PLP2: variants seen among roughly 807,000 people sequenced by gnomAD.
The protein encoded by PLP2 is A4 differentiation-dependent protein.
In PLP2, 8 loss-of-function variants were observed where a neutral mutation model predicts 11.4. The ratio of observed to expected loss-of-function variants is 0.70; its 90% CI spans 0.41 to 1.27. The LOEUF is 1.27. PLP2 is among the 50% of genes most tolerant of loss of function. The probability of loss-of-function intolerance (pLI) is 0.01; values close to 1 mark genes in which losing one functional copy is unlikely to be tolerated. For missense variants in PLP2, 127 were observed against 123.5 expected, an observed-to-expected ratio of 1.03 and a Z score of -0.14; for synonymous variants, 50 against 53.2, an observed-to-expected ratio of 0.94 and a Z score of 0.26.
chrX:49,172,475 G>T (rs781980502), intron 1 of PLP2, among the ~76,000 whole-genome samples: 2 of 111,697 alleles, frequency 1.8e-5, no homozygotes, highest in Admixed American at 9.4e-5. Context: ...GCGCCCAGGG[G>T]CAGGGCCTGT....
chrX:49,174,520 C>T (rs2065404662), intron 4 of PLP2, 95 bp downstream of exon 4: 2 of 889,237 alleles, frequency 2.2e-6, no homozygotes, highest in Non-Finnish European at 3.3e-6. Flanking sequence ...AATGCCAACT[C>T]TGGTCTCGTA....
Position 49,172,006 on chromosome X carries a change from G to A in PLP2, c.6G>A (p.Ala2=). M[A]DSERLSAPGC... is the part of the protein sequence containing the mutation. ...CAGGGACTCCAGCCCATGCCATGGC[G>A]GATTCTGAGCGCCTCTCGGCTCCTG... The change falls in exon 1 of 5, where the codon GCG becomes GCA. Residue 2 remains alanine (A), a synonymous_variant. Coordinates refer to ENST00000376327, the MANE Select transcript of PLP2 (RefSeq NM_002668.3). 8.3e-7 allele frequency: 1 copy of A among 1,198,379 alleles called. No homozygotes were observed. Among genetic ancestry groups the A allele is most frequent in the Non-Finnish European group, 1.1e-6 (1 of 883,880 alleles).
intron 3 of PLP2, among the ~76,000 whole-genome samples, chrX:49,173,836 G>A (rs1381897177): frequency 1.8e-5 from 2 of 112,188 alleles, no homozygotes; most frequent in Admixed American, 1.9e-4. Context: ...GGCTGAGGCC[G>A]AGGCAGGCAG....
chrX:49,173,310 A>G, intron 2 of PLP2, 29 bp downstream of exon 2: 1 of 1,208,206 alleles, frequency 8.3e-7, no homozygotes, highest in African/African-American at 1.7e-5. Context: ...TGGCAAGACC[A>G]GGGAGGGGTC....
At position 49,172,077 on chromosome X, in the gene PLP2, T is replaced by C; in HGVS notation, c.77T>C (p.Ile26Thr). 2.5e-6 allele frequency: 3 copies of C among 1,201,371 alleles called. No individual in the cohort carries two copies. Among genetic ancestry groups the C allele is most frequent in the Non-Finnish European group, 3.4e-6 (3 of 886,491 alleles). ...AACTTCTCGCGCACTCGAAAGGGAATCCTCCTGTTTGCTGAGATTGTGAGC... is the reference window on the plus strand; with the variant it reads ...AACTTCTCGCGCACTCGAAAGGGAACCCTCCTGTTTGCTGAGATTGTGAGC... ...CTNFSRTRKG[I>T]LLFAEIILCL... The change falls in exon 1 of 5, where the codon ATC becomes ACC. Residue 26 changes from isoleucine to threonine, a missense_variant. Ile to Thr is a moderately conservative substitution (Grantham distance 89). Coordinates refer to ENST00000376327, the MANE Select transcript of PLP2 (RefSeq NM_002668.3).
At position 49,174,975 on chromosome X, in the gene PLP2, G is replaced by T; in HGVS notation, c.*281G>T. 2.3e-6 allele frequency: 1 copy of T among 432,775 alleles called. No homozygotes were observed. Among genetic ancestry groups the T allele is most frequent in the South Asian group, 3.5e-5 (1 of 28,915 alleles). 35.7% of individuals were successfully genotyped at this position (432,775 alleles called of 1,213,427 possible). A position where few individuals can be genotyped will look rare whatever the true frequency, so the allele number is the denominator to read the frequency against. On this transcript the variant is annotated 3_prime_UTR_variant, in exon 5 of 5. Coordinates refer to ENST00000376327, the MANE Select transcript of PLP2 (RefSeq NM_002668.3). The stretch of plus-strand genomic sequence containing the variant: ...CCTAAGTCACAAAATGAGGGAAGTG[G>T]GGAGTTAGATTTCAGAGTCCAGGCC...
At chrX:49,174,079 C>CA (rs1264290820) in intron 3 of PLP2, among the ~76,000 whole-genome samples, 1,490 of 99,344 alleles carry the variant, frequency 0.015, 34 homozygotes, top group African/African-American at 0.047. Context: ...TACTGTGTCT[C>CA]AAAAAAAAAA....
chrX:49,173,037 C>T (rs944997686), intron 1 of PLP2, 92 bp from the exon 2 acceptor site: 18 of 773,421 alleles, frequency 2.3e-5, no homozygotes, highest in East Asian at 3.2e-5. Context: ...CCCCAGCCCT[C>T]GTAGGCATCT....
chrX:49,171,938 C>A lies in PLP2; in HGVS notation c.-63C>A. ...GCGGGCAAGACAGCTGGGTGTACAGCGTCCTCGAAACCACGAGCAAGTGAG... is the reference window on the plus strand; with the variant it reads ...GCGGGCAAGACAGCTGGGTGTACAGAGTCCTCGAAACCACGAGCAAGTGAG... On this transcript the variant is annotated 5_prime_UTR_variant, in exon 1 of 5. Coordinates refer to ENST00000376327, the MANE Select transcript of PLP2 (RefSeq NM_002668.3). 1 of 793,608 alleles carries A rather than the reference C, an allele frequency of 1.3e-6. No individual in the cohort carries two copies. Among genetic ancestry groups the A allele is most frequent in the Non-Finnish European group, 1.9e-6 (1 of 528,704 alleles). 65.4% of individuals were successfully genotyped at this position (793,608 alleles called of 1,213,427 possible).
At chrX:49,173,599 C>T in intron 3 of PLP2, 116 bp downstream of exon 3, 1 of 1,175,748 alleles carries the variant, frequency 8.5e-7, no homozygotes. Context: ...CACACTTGTC[C>T]TCAGACATGG....
chrX:49,173,034 C>T, intron 1 of PLP2, 95 bp from the exon 2 acceptor site: 1 of 743,819 alleles, frequency 1.3e-6, no homozygotes, highest in Non-Finnish European at 2.1e-6. Context: ...TTTCCCCAGC[C>T]CTCGTAGGCA....
At position 49,172,035 on chromosome X, in the gene PLP2, G is replaced by A; in HGVS notation, c.35G>A (p.Cys12Tyr). Residue 12 changes from cysteine (C) to tyrosine (Y), a missense_variant, in exon 1 of 5, where the codon TGC becomes TAC. Physicochemically the swap from Cys to Tyr is radical, Grantham distance 194. Transcript: ENST00000376327. Reference protein sequence around the residue: ...ADSERLSAPGCWAACTNFSRT... With the variant: ...ADSERLSAPGYWAACTNFSRT... Reference sequence around the variant, plus strand: ...TCTGAGCGCCTCTCGGCTCCTGGCTGCTGGGCCGCCTGCACCAACTTCTCG... The same window carrying A: ...TCTGAGCGCCTCTCGGCTCCTGGCTACTGGGCCGCCTGCACCAACTTCTCG... 8.3e-7 allele frequency: 1 copy of A among 1,208,700 alleles called. No homozygotes were observed. The highest frequency in any genetic ancestry group is 1.7e-5 in the African/African-American group (1 of 57,917).
chrX:49,172,808 C>T (rs368181308), intron 1 of PLP2, among the ~76,000 whole-genome samples: 2 of 112,037 alleles, frequency 1.8e-5, no homozygotes, highest in South Asian at 3.7e-4. Flanking sequence ...TCAGGCTGCC[C>T]GTAACCTAGA....
At position 49,173,411 on chromosome X, in the gene PLP2, G is replaced by A. The variant is rs145837656; in HGVS notation, c.273G>A (p.Ala91=). The A allele has an allele frequency of 4.3e-4, 522 of 1,209,503 alleles. 1 individual carries two copies. Among genetic ancestry groups the A allele is most frequent in the Non-Finnish European group, 5.4e-4 (485 of 895,065 alleles). ...PWSDFFRTLI[A]AILYLITSIV... ...AGGATTTCTTCCGAACCCTCATAGC[G>A]GCAATCCTCTACCTGATCACCTCCA... Residue 91 remains alanine, a synonymous_variant, in exon 3 of 5, where the codon GCG becomes GCA. Coordinates refer to ENST00000376327, the MANE Select transcript of PLP2 (RefSeq NM_002668.3).
intron 4 of PLP2, 70 bp from the exon 5 acceptor site, chrX:49,174,602 C>A: frequency 8.7e-6 from 9 of 1,038,045 alleles, no homozygotes; most frequent in Non-Finnish European, 1.2e-5. Context: ...TGTTCATGGA[C>A]TTTGGATCTT....
At chrX:49,172,906 T>C (rs187223695) in intron 1 of PLP2, among the ~76,000 whole-genome samples, 1 of 112,682 alleles carries the variant, frequency 8.9e-6, no homozygotes, top group East Asian at 2.8e-4. Flanking sequence ...TGTGCCTCAG[T>C]TTTCTCGTCT....
Position 49,171,997 on chromosome X carries a change from T to C in PLP2, c.-4T>C. The C allele has an allele frequency of 1.7e-6, 2 of 1,186,601 alleles. No individual in the cohort carries two copies. Among genetic ancestry groups the C allele is most frequent in the South Asian group, 3.6e-5 (2 of 55,821 alleles). ...CCGAGGCACCAGGGACTCCAGCCCA[T>C]GCCATGGCGGATTCTGAGCGCCTCT... On this transcript the variant is annotated 5_prime_UTR_variant, in exon 1 of 5. The change abolishes an upstream ATG in the 5' untranslated region. Coordinates refer to ENST00000376327, the MANE Select transcript of PLP2 (RefSeq NM_002668.3).
intron 1 of PLP2, among the ~76,000 whole-genome samples, chrX:49,172,558 C>A (rs1163339246): frequency 8.9e-6 from 1 of 112,612 alleles, no homozygotes; most frequent in African/African-American, 3.2e-5. Flanking sequence ...TTCTTCCTCG[C>A]CCTTCAGAGG....
chrX:49,174,257 T>C, intron 3 of PLP2, 78 bp from the exon 4 acceptor site: 1 of 736,572 alleles, frequency 1.4e-6, no homozygotes. Context: ...GTGCTGGAGG[T>C]GGTGGATACA....
Sources: gnomAD v4.1 joint callset for allele counts (sites outside exome capture counted in the v4.1 genomes callset) on GRCh38, gnomAD v4.1.1 for gene constraint, MANE v1.5 for transcripts, NCBI Gene and HGNC (gene_info 2026-07-23, HGNC 2026-07-21) for gene names.